FBXW8: variants seen among roughly 807,000 people sequenced by gnomAD.
FBXW8 encodes the protein F-box/WD repeat-containing protein 8.
Under a neutral mutation model 65.3 loss-of-function variants are expected in FBXW8, and 57 were observed. That is an observed-to-expected ratio of 0.87 (90% CI 0.71 to 1.09). FBXW8 has a LOEUF of 1.09. Among genes scored for constraint, FBXW8 ranks in the 50% least tolerant of loss-of-function variants. FBXW8 has a pLI of 0.00. For synonymous variants in FBXW8, 308 were observed against 330.2 expected, an observed-to-expected ratio of 0.93 and a Z score of 0.73; for missense variants, 777 against 814.8, an observed-to-expected ratio of 0.95 and a Z score of 0.57.
chr12:116,969,340 T>A (rs1417255012), intron 5 of FBXW8, among the ~76,000 whole-genome samples: 1 of 152,206 alleles, frequency 6.6e-6, no homozygotes, highest in Admixed American at 6.5e-5. Flanking sequence ...GTTGTTACTG[T>A]TTCTGTGATA....
chr12:116,946,836 C>T (rs1020148792), intron 3 of FBXW8, among the ~76,000 whole-genome samples: 3 of 152,046 alleles, frequency 2.0e-5, no homozygotes, highest in Admixed American at 6.6e-5. Flanking sequence ...AACAAGGGGT[C>T]AGAAAGCAGA....
At chr12:116,987,344 G>A (rs1180356191) in intron 6 of FBXW8, 2 of 152,268 alleles carry the variant, frequency 1.3e-5, no homozygotes, top group Non-Finnish European at 2.9e-5. Flanking sequence ...GTGTCCTCTC[G>A]TGATTTACTC....
intron 8 of FBXW8, among the ~76,000 whole-genome samples, chr12:117,016,226 T>C (rs1393525656): frequency 6.6e-6 from 1 of 152,238 alleles, no homozygotes; most frequent in Non-Finnish European, 1.5e-5. Context: ...TGTTAAACCA[T>C]GTGAGGAATT....
chr12:116,964,625 T>C (rs1884197171), intron 4 of FBXW8, 72 bp from the exon 5 acceptor site: 2 of 1,569,702 alleles, frequency 1.3e-6, no homozygotes, highest in Non-Finnish European at 8.7e-7. Context: ...GTTGTAAGGC[T>C]CTGTGCATTT....
intron 8 of FBXW8, among the ~76,000 whole-genome samples, chr12:117,019,949 G>C (rs563871359): frequency 3.3e-5 from 5 of 152,342 alleles, no homozygotes; most frequent in South Asian, 2.1e-4. Context: ...CAAAAGCAGA[G>C]TAGCCTAGAG....
intron 1 of FBXW8, among the ~76,000 whole-genome samples, chr12:116,921,398 C>T (rs1880889226): frequency 4.6e-5 from 7 of 152,142 alleles, no homozygotes; most frequent in Admixed American, 3.3e-4. Flanking sequence ...GGAGCTTAGC[C>T]GCTCTTTGTA....
chr12:117,014,167 T>C (rs1025266250), intron 8 of FBXW8, among the ~76,000 whole-genome samples: 28 of 152,244 alleles, frequency 1.8e-4, no homozygotes, highest in African/African-American at 6.8e-4. Context: ...TCCGTTGCTC[T>C]GACTTCAGGT....
rs577092925 is a variant in FBXW8 at position 116,943,945 on chromosome 12, T to C, written c.424-1419T>C. The stretch of plus-strand genomic sequence containing the variant: ...CTCAGATAAAGACAAGCCTTGAGAA[T>C]AGAGCTTTCTGGCAAGCTGCCAGCC... On this transcript the variant is annotated intron_variant, in intron 2 of 10. Coordinates refer to ENST00000652555, the MANE Select transcript of FBXW8 (RefSeq NM_153348.3). Among the ~76,000 whole-genome samples the C allele has an allele frequency of 5.3e-5, 8 of 152,330 alleles. No homozygotes were observed. In the South Asian group the frequency reaches 6.2e-4, roughly 12 times the overall value.
At chr12:116,954,111 CAAAAAAAAAAAA>C (rs59747365) in intron 4 of FBXW8, among the ~76,000 whole-genome samples, 1 of 100,648 alleles carries the variant, frequency 9.9e-6, no homozygotes, top group Non-Finnish European at 2.1e-5. Context: ...GACTCTGTCT[CAAAAAAAAAAAA>C]AAAAAAAAAA....
chr12:116,958,111 T>C (rs1883762942), intron 4 of FBXW8, among the ~76,000 whole-genome samples: 1 of 152,240 alleles, frequency 6.6e-6, no homozygotes, highest in Non-Finnish European at 1.5e-5. Flanking sequence ...TGCATGTATC[T>C]CATAAGGTCC....
intron 7 of FBXW8, among the ~76,000 whole-genome samples, chr12:116,991,081 C>T (rs1427227046): frequency 1.3e-5 from 2 of 152,228 alleles, no homozygotes; most frequent in Non-Finnish European, 2.9e-5. Context: ...AAGAATGTTT[C>T]TAAATGTCTC....
chr12:116,977,837 A>G (rs1224797599), intron 5 of FBXW8: 1 of 152,226 alleles, frequency 6.6e-6, no homozygotes, highest in Non-Finnish European at 1.5e-5. Context: ...TCACATTGCC[A>G]TAGTCTTAAC....
In FBXW8 at chr12:116,936,017, A is replaced by G. The variant is rs760623498; in HGVS notation, c.423+7890A>G. On this transcript the variant is annotated intron_variant, in intron 2 of 10. Transcript: ENST00000652555. This position sits in a 1 kb window ranked among gnomAD's most constrained non-coding sequence, Gnocchi z 4.6. Reference sequence around the variant, plus strand: ...ATAAAACATAAAAAACCAGCTTCTCAGAGAGCTTCCATTGTATATACAATA... The same window carrying G: ...ATAAAACATAAAAAACCAGCTTCTCGGAGAGCTTCCATTGTATATACAATA... Among the ~76,000 whole-genome samples the G allele has an allele frequency of 1.4e-5, 1 of 70,908 alleles. No homozygotes were observed. The highest frequency in any genetic ancestry group is 2.7e-5 in the Non-Finnish European group (1 of 37,116). The allele number at this position is 70,908 out of a possible 152,430, so 46.5% of individuals were successfully genotyped here.
intron 5 of FBXW8, 100 bp from the exon 6 acceptor site, chr12:116,985,106 T>C (rs780830722): frequency 9.9e-6 from 10 of 1,008,336 alleles, no homozygotes; most frequent in Non-Finnish European, 1.4e-5. Context: ...TTCCAAGGTA[T>C]CTCCGTTAAA....
At chr12:116,999,520 C>A (rs1953456071) in intron 7 of FBXW8, among the ~76,000 whole-genome samples, 1 of 152,154 alleles carries the variant, frequency 6.6e-6, no homozygotes, top group Non-Finnish European at 1.5e-5. Flanking sequence ...TGAAAATAAT[C>A]CCTCCCCGAG....
At chr12:117,006,689 G>T (rs1454096235) in intron 7 of FBXW8, among the ~76,000 whole-genome samples, 4 of 152,230 alleles carry the variant, frequency 2.6e-5, no homozygotes, top group Non-Finnish European at 4.4e-5. Context: ...ACAGCTGACG[G>T]TCAGGCCCCA....
chr12:117,018,637 C>T (rs1306548741), intron 8 of FBXW8, among the ~76,000 whole-genome samples: 1 of 152,188 alleles, frequency 6.6e-6, no homozygotes, highest in Non-Finnish European at 1.5e-5. Flanking sequence ...AAGGAGATGT[C>T]AGAAAAATGT....
intron 7 of FBXW8, 48 bp downstream of exon 7, chr12:116,988,917 AT>A (rs751868143): frequency 2.0e-6 from 3 of 1,525,732 alleles, no homozygotes; most frequent in Admixed American, 1.7e-5. Context: ...ATATAGATTT[AT>A]TTTTTAGAAG....
At position 117,027,928 on chromosome 12, in the gene FBXW8, T is replaced by C. The variant is rs186939515; in HGVS notation, c.1653-100T>C. The C allele has an allele frequency of 1.4e-4, 215 of 1,503,392 alleles. No homozygotes were observed. In the Admixed American group the frequency reaches 1.8e-3, roughly 12 times the overall value. 93.1% of individuals were successfully genotyped at this position (1,503,392 alleles called of 1,614,324 possible). On this transcript the variant is annotated intron_variant, in intron 10 of 10. Coordinates refer to ENST00000652555, the MANE Select transcript of FBXW8 (RefSeq NM_153348.3). ...GAACGCGTTTGTGAAGCTGAACCTCTATCTGGTCTCAGGCGAACGCCTCCT... is the reference window on the plus strand; with the variant it reads ...GAACGCGTTTGTGAAGCTGAACCTCCATCTGGTCTCAGGCGAACGCCTCCT...
Sources: allele counts gnomAD v4.1 joint callset (sites outside exome capture counted in the v4.1 genomes callset), GRCh38; gene constraint gnomAD v4.1.1; non-coding constraint Gnocchi (gnomAD v3.1); transcripts MANE v1.5; gene names NCBI Gene and HGNC (gene_info 2026-07-23, HGNC 2026-07-21).